DOCK2: variants seen among roughly 807,000 people sequenced by gnomAD.
DOCK2 encodes the protein dedicator of cytokinesis 2.
A neutral mutation model predicts 248.9 loss-of-function variants in DOCK2; 87 were observed. The observed-to-expected ratio is 0.35, with a 90% CI of 0.29 to 0.42. DOCK2 has a LOEUF of 0.42. DOCK2 is among the 10% of genes least tolerant of loss of function. The probability of loss-of-function intolerance (pLI) is 1.00; values close to 1 mark genes in which losing one functional copy is unlikely to be tolerated. For synonymous variants in DOCK2, 805 were observed against 821.6 expected (o/e 0.98, Z 0.35); for missense variants, 1,747 against 2,300.2 (o/e 0.76, Z 4.92).
chr5:169,702,715 ACT>A (rs751455609), intron 14 of DOCK2: 5 of 195,710 alleles, frequency 2.6e-5, no homozygotes, highest in Middle Eastern at 1.8e-3. Flanking sequence ...TTATTTATTT[ACT>A]TTTGCTTGGT....
At chr5:169,927,655 C>T (rs1244322021) in intron 27 of DOCK2, among the ~76,000 whole-genome samples, 4 of 152,206 alleles carry the variant, frequency 2.6e-5, no homozygotes, top group East Asian at 3.9e-4. Context: ...CTCGCTCTGT[C>T]GCCCAGGCTG....
intron 44 of DOCK2, among the ~76,000 whole-genome samples, chr5:170,059,128 C>G (rs1242691883): frequency 6.6e-6 from 1 of 152,166 alleles, no homozygotes; most frequent in Middle Eastern, 3.4e-3. Flanking sequence ...CTGTCAGGCA[C>G]CTGGCTTGGA....
At chr5:169,705,445 C>T (rs1028022337) in intron 14 of DOCK2, among the ~76,000 whole-genome samples, 1 of 152,094 alleles carries the variant, frequency 6.6e-6, no homozygotes, top group South Asian at 2.1e-4. Context: ...AAGACCATGA[C>T]CCCTGGGGCC....
chr5:169,831,997 A>G (rs1769258193), intron 26 of DOCK2, among the ~76,000 whole-genome samples: 1 of 152,234 alleles, frequency 6.6e-6, no homozygotes, highest in South Asian at 2.1e-4. Flanking sequence ...CTAAAGCACC[A>G]TTCCGTTGTG....
chr5:170,010,485 C>T (rs756899740), intron 32 of DOCK2, among the ~76,000 whole-genome samples: 11 of 152,144 alleles, frequency 7.2e-5, no homozygotes, highest in Non-Finnish European at 1.6e-4. Context: ...TAAGGGCCTG[C>T]GGCAGAGTGA....
intron 27 of DOCK2, among the ~76,000 whole-genome samples, chr5:169,964,529 T>A (rs1777222227): frequency 6.6e-6 from 1 of 152,238 alleles, no homozygotes; most frequent in Non-Finnish European, 1.5e-5. Flanking sequence ...TCTGCTGGAA[T>A]AGAAACCCAG....
intron 27 of DOCK2, among the ~76,000 whole-genome samples, chr5:169,936,079 A>G (rs759097338): frequency 6.6e-6 from 1 of 152,202 alleles, no homozygotes; most frequent in Non-Finnish European, 1.5e-5. Context: ...ATTTTTGCCA[A>G]TAAAAACAAA....
At chr5:169,825,270 G>T (rs1295607482) in intron 26 of DOCK2, among the ~76,000 whole-genome samples, 1 of 152,094 alleles carries the variant, frequency 6.6e-6, no homozygotes, top group Non-Finnish European at 1.5e-5. Flanking sequence ...CCATTACTGG[G>T]TATATACCCA....
intron 25 of DOCK2, among the ~76,000 whole-genome samples, chr5:169,773,962 G>T (rs1024976773): frequency 6.6e-6 from 1 of 152,082 alleles, no homozygotes; most frequent in African/African-American, 2.4e-5. Flanking sequence ...CCATTATTGT[G>T]AGACCTCCCT....
intron 6 of DOCK2, among the ~76,000 whole-genome samples, chr5:169,676,412 C>T (rs920030541): frequency 6.6e-6 from 1 of 152,186 alleles, no homozygotes; most frequent in African/African-American, 2.4e-5. Context: ...AAACCAGCCC[C>T]TCCTCTGCAG....
intron 9 of DOCK2, 148 bp from the exon 10 acceptor site, chr5:169,695,655 T>C: frequency 8.5e-7 from 1 of 1,182,386 alleles, no homozygotes; most frequent in Non-Finnish European, 1.2e-6. Context: ...GCCTTGTTTC[T>C]ATCTTTTCCA....
intron 27 of DOCK2, among the ~76,000 whole-genome samples, chr5:169,887,992 T>G (rs1445340801): frequency 6.6e-6 from 1 of 152,218 alleles, no homozygotes; most frequent in Non-Finnish European, 1.5e-5. Context: ...TGAGTGGACA[T>G]TTTTTCACAT....
intron 25 of DOCK2, among the ~76,000 whole-genome samples, chr5:169,801,187 A>T (rs1581208802): frequency 1.2e-5 from 1 of 86,862 alleles, no homozygotes; most frequent in Non-Finnish European, 2.3e-5. Flanking sequence ...TTTTTAGTAG[A>T]CTTGGGGTTT....
intron 27 of DOCK2, among the ~76,000 whole-genome samples, chr5:169,876,588 A>G (rs191084756): frequency 5.2e-4 from 79 of 152,338 alleles, no homozygotes; most frequent in Non-Finnish European, 1.1e-3. Flanking sequence ...AAGTGCAGCA[A>G]GCTCTCTGAG....
chr5:169,731,674 A>AC (rs34781261), intron 22 of DOCK2, among the ~76,000 whole-genome samples: 48,728 of 151,966 alleles, frequency 0.32, 11,605 homozygotes, highest in African/African-American at 0.66. Flanking sequence ...ACACAAGTGT[A>AC]TTTTCCTCAG....
intron 21 of DOCK2, among the ~76,000 whole-genome samples, chr5:169,718,313 G>A (rs1204842132): frequency 6.6e-6 from 1 of 152,018 alleles, no homozygotes; most frequent in African/African-American, 2.4e-5. Context: ...GATATTACAA[G>A]AGCATGTTCT....
intron 8 of DOCK2, among the ~76,000 whole-genome samples, chr5:169,686,177 G>T (rs988400598): frequency 2.0e-5 from 3 of 152,202 alleles, no homozygotes; most frequent in African/African-American, 7.2e-5. Flanking sequence ...GTTCCTGAAA[G>T]GCTCACTGGC....
At chr5:169,705,224 A>G (rs1761199230) in intron 14 of DOCK2, among the ~76,000 whole-genome samples, 1 of 152,182 alleles carries the variant, frequency 6.6e-6, no homozygotes, top group African/African-American at 2.4e-5. Context: ...GTACCCAGCA[A>G]CAGGAAGGAG....
At chr5:169,810,989 TCACACACACA>T (rs55987604) in intron 26 of DOCK2, among the ~76,000 whole-genome samples, 7 of 97,320 alleles carry the variant, frequency 7.2e-5, no homozygotes, top group Non-Finnish European at 1.5e-4. Flanking sequence ...TCTCTCTCTC[TCACACACACA>T]CACACACACA....
Sources: allele counts gnomAD v4.1 joint callset (sites outside exome capture counted in the v4.1 genomes callset), GRCh38; gene constraint gnomAD v4.1.1; transcripts MANE v1.5; gene names NCBI Gene and HGNC (gene_info 2026-07-23, HGNC 2026-07-21).